The following FREM3 variants were observed in gnomAD, a reference collection of about 807,000 sequenced individuals.
FREM3 encodes FRAS1-related extracellular matrix protein 3.
In FREM3, 105 loss-of-function variants were observed where a neutral mutation model predicts 129.1. The observed-to-expected ratio is 0.81, with a 90% CI of 0.69 to 0.96. The LOEUF (loss-of-function observed/expected upper bound fraction) is 0.96, where lower values mean the gene tolerates loss of function less well. Ranked by LOEUF, FREM3 falls within the 40% of genes least tolerant of loss-of-function variation. The pLI is 0.00. For missense variants in FREM3, 2,593 were observed against 2,666.3 expected (o/e 0.97, Z 0.61); for synonymous variants, 1,014 against 1,044.9 (o/e 0.97, Z 0.57).
At chr4:143,656,877 A>G (rs1739610913) in intron 2 of FREM3, among the ~76,000 whole-genome samples, 1 of 152,202 alleles carries the variant, frequency 6.6e-6, no homozygotes. Flanking sequence ...AAATAAATAG[A>G]TTTTATTTTA....
intron 2 of FREM3, among the ~76,000 whole-genome samples, chr4:143,658,812 C>T (rs1295935190): frequency 6.6e-6 from 1 of 152,132 alleles, no homozygotes; most frequent in African/African-American, 2.4e-5. Context: ...AGATTGTCAC[C>T]CTTGATTTAG....
intron 2 of FREM3, among the ~76,000 whole-genome samples, chr4:143,642,115 A>T (rs1411355923): frequency 6.6e-6 from 1 of 152,220 alleles, no homozygotes; most frequent in African/African-American, 2.4e-5. Context: ...AGACCTCTAC[A>T]CTGAAAACTA....
At chr4:143,615,251 T>G (rs1476883587) in intron 5 of FREM3, among the ~76,000 whole-genome samples, 1 of 152,254 alleles carries the variant, frequency 6.6e-6, no homozygotes, top group Non-Finnish European at 1.5e-5. Context: ...CATCTCCTGA[T>G]AGTCAGCCTG....
At position 143,699,275 on chromosome 4, in the gene FREM3, C is replaced by T. The variant is rs1387510200; in HGVS notation, c.1401G>A (p.Glu467=). 2.0e-6 allele frequency: 3 copies of T among 1,537,342 alleles called. No homozygotes were observed. Among genetic ancestry groups the T allele is most frequent in the South Asian group, 1.2e-5 (1 of 84,056 alleles). The change falls in exon 1 of 8, where the codon GAG becomes GAA. Residue 467 remains glutamate, a synonymous_variant. Transcript: ENST00000329798. This position sits in a 1 kb window ranked among gnomAD's most constrained non-coding sequence, Gnocchi z 4.2. ...IPISDKDNLE[E]VKMAAVRGLR... ...AGCCCCTGACTGCAGCCATTTTCAC[C>T]TCTTCCAGGTTATCTTTATCACTGA...
intron 2 of FREM3, among the ~76,000 whole-genome samples, chr4:143,659,238 C>T (rs950525213): frequency 1.3e-5 from 2 of 151,466 alleles, no homozygotes; most frequent in African/African-American, 4.9e-5. Context: ...TGCTATCCCT[C>T]CCCCCTACCC....
Position 143,698,822 on chromosome 4 carries a change from A to G in FREM3, c.1854T>C (p.Ala618=). The G allele has an allele frequency of 6.5e-7, 1 of 1,537,700 alleles. No individual in the cohort carries two copies. The highest frequency in any genetic ancestry group is 8.7e-7 in the Non-Finnish European group (1 of 1,147,008). The change falls in exon 1 of 8, where the codon GCT becomes GCC. Residue 618 remains alanine (A), a synonymous_variant. Transcript: ENST00000329798. ...CATCTTCAGTTGAGAGAGGTAGTTC[A>G]GCCTGCTGCAGCAACAGGTCCCCCA... ...HYLGDLLLQQ[A]ELPLSTEDED... is the part of the protein sequence containing the mutation.
chr4:143,628,032 A>G (rs1408715842), intron 2 of FREM3, among the ~76,000 whole-genome samples: 1 of 152,074 alleles, frequency 6.6e-6, no homozygotes, highest in Non-Finnish European at 1.5e-5. Context: ...CCAAAGAGCC[A>G]GAGCTTGGTA....
intron 2 of FREM3, among the ~76,000 whole-genome samples, chr4:143,660,373 T>G (rs1296992826): frequency 6.6e-6 from 1 of 152,170 alleles, no homozygotes; most frequent in Non-Finnish European, 1.5e-5. Flanking sequence ...TTGTCAGGTT[T>G]GTCAAAGATC....
At position 143,696,794 on chromosome 4, in the gene FREM3, C is replaced by T. The variant is rs2149864372; in HGVS notation, c.3882G>A (p.Lys1294=). 3 of 1,537,778 alleles carry T rather than the reference C, an allele frequency of 2.0e-6. No homozygotes were observed. Among genetic ancestry groups the T allele is most frequent in the Middle Eastern group, 1.7e-4 (1 of 5,994 alleles). ...LSDGKHTTHR[K]VPIVVTLVDD... The stretch of plus-strand genomic sequence containing the variant: ...CCACTAGGGTCACTACAATGGGTAC[C>T]TTCCTGTGGGTTGTGTGCTTGCCGT... Residue 1294 remains lysine, a synonymous_variant, in exon 1 of 8, where the codon AAG becomes AAA. Transcript: ENST00000329798.
At chr4:143,593,933 G>T (rs1354850218) in intron 6 of FREM3, among the ~76,000 whole-genome samples, 5 of 152,192 alleles carry the variant, frequency 3.3e-5, no homozygotes, top group Non-Finnish European at 2.9e-5. Flanking sequence ...AATGGCGGGT[G>T]CCCCTCCTCC....
At position 143,577,727 on chromosome 4, in the gene FREM3, C is replaced by G. The variant is rs1738064978; in HGVS notation, c.6304G>C (p.Glu2102Gln). The change falls in exon 8 of 8, where the codon GAA becomes CAA. Residue 2102 changes from glutamate to glutamine, a missense_variant. By Grantham distance (29) the Glu-to-Gln change is conservative. Around this residue, in one of 2 missense-constraint regions of FREM3, gnomAD observed 317 missense variants for 399.0 expected, o/e 0.79. Transcript: ENST00000329798. ...CCCATAGGCATCTGAAGAAGTAATT[C>G]AAACTTCTCTGGGCCTTCCAAGGTA... ...QPTLEGPEKF[E>Q]LLLQMPMGAV... The G allele has an allele frequency of 2.0e-6, 3 of 1,537,156 alleles. No individual in the cohort carries two copies. In the African/African-American group the frequency reaches 4.1e-5, roughly 21 times the overall value.
intron 2 of FREM3, among the ~76,000 whole-genome samples, chr4:143,655,058 C>G (rs1259551306): frequency 1.3e-5 from 2 of 152,108 alleles, no homozygotes; most frequent in Admixed American, 6.6e-5. Context: ...TAAGTGAGGA[C>G]AGAGGCATAG....
At chr4:143,615,859 G>C (rs1474962033) in intron 5 of FREM3, among the ~76,000 whole-genome samples, 1 of 152,086 alleles carries the variant, frequency 6.6e-6, no homozygotes, top group African/African-American at 2.4e-5. Flanking sequence ...CCAAGAGCAG[G>C]TGCACTATCA....
intron 2 of FREM3, among the ~76,000 whole-genome samples, chr4:143,658,032 A>G (rs897744676): frequency 1.3e-5 from 2 of 152,198 alleles, no homozygotes; most frequent in Non-Finnish European, 2.9e-5. Flanking sequence ...CTAAGTTTCT[A>G]CTAACATCAG....
intron 6 of FREM3, among the ~76,000 whole-genome samples, chr4:143,606,905 T>C (rs1465898836): frequency 6.6e-6 from 1 of 152,158 alleles, no homozygotes; most frequent in African/African-American, 2.4e-5. Context: ...CTCTCTGCAG[T>C]ATATTTTGAT....
In FREM3 at chr4:143,683,526, G is replaced by A. The variant is rs553397080; in HGVS notation, c.5275+9587C>T. On this transcript the variant is annotated intron_variant, in intron 2 of 7. Coordinates refer to ENST00000329798, the MANE Select transcript of FREM3 (RefSeq NM_001168235.2). The stretch of plus-strand genomic sequence containing the variant: ...AGCAGCAGAAAGGCCCTGGGAGCTC[G>A]CTGGTTCCCCTAGCAGGCCATTCCT... Among the ~76,000 whole-genome samples the A allele has an allele frequency of 1.5e-4, 23 of 152,338 alleles. No homozygotes were observed. In the South Asian group the frequency reaches 3.5e-3, roughly 23 times the overall value.
chr4:143,632,988 G>A (rs1240851084), intron 2 of FREM3, among the ~76,000 whole-genome samples: 1 of 152,166 alleles, frequency 6.6e-6, no homozygotes, highest in African/African-American at 2.4e-5. Context: ...TAGGGCATAA[G>A]CTTGTCACTT....
chr4:143,587,746 C>T (rs1477165698), intron 6 of FREM3, among the ~76,000 whole-genome samples: 3 of 6,896 alleles, frequency 4.4e-4, no homozygotes, highest in Non-Finnish European at 8.5e-4. Context: ...ATCATGGGCA[C>T]TTCTGCAGGT....
intron 2 of FREM3, among the ~76,000 whole-genome samples, chr4:143,690,234 T>C (rs1740441420): frequency 6.6e-6 from 1 of 152,156 alleles, no homozygotes; most frequent in African/African-American, 2.4e-5. Context: ...CTTCAGCTCA[T>C]AGATGAGCAA....
Sources: allele counts gnomAD v4.1 joint callset (sites outside exome capture counted in the v4.1 genomes callset), GRCh38; gene constraint gnomAD v4.1.1; regional missense constraint gnomAD v4.1.1; non-coding constraint Gnocchi (gnomAD v3.1); transcripts MANE v1.5; gene names NCBI Gene and HGNC (gene_info 2026-07-23, HGNC 2026-07-21).